PTER: variants seen among roughly 807,000 people sequenced by gnomAD.
PTER encodes N-acetyltaurine hydrolase.
Under a neutral mutation model 29.6 loss-of-function variants are expected in PTER, and 38 were observed. The ratio of observed to expected loss-of-function variants is 1.28; its 90% CI spans 0.99 to 1.68. The LOEUF (loss-of-function observed/expected upper bound fraction) is 1.68, where lower values mean the gene tolerates loss of function less well. PTER is among the 40% of genes most tolerant of loss of function. PTER has a pLI of 0.00. For synonymous variants in PTER, 172 were observed against 154.5 expected (o/e 1.11, Z -0.84); for missense variants, 482 against 427.8 (o/e 1.13, Z -1.12).
chr10:16,480,306 CAGCCTCCCGAGT>C (rs1357005744), intron 1 of PTER, among the ~76,000 whole-genome samples: 1 of 151,480 alleles, frequency 6.6e-6, no homozygotes, highest in Admixed American at 6.6e-5. Context: ...TCTCCTGCCT[CAGCCTCCCGAGT>C]AGCCTCCCGA....
At chr10:16,491,294 A>G (rs1251261011) in intron 3 of PTER, among the ~76,000 whole-genome samples, 1 of 152,218 alleles carries the variant, frequency 6.6e-6, no homozygotes, top group Non-Finnish European at 1.5e-5. Context: ...AAAGCAGTGC[A>G]TTCGGAAAAA....
chr10:16,505,401 C>T (rs536201962), intron 4 of PTER, among the ~76,000 whole-genome samples: 3 of 152,088 alleles, frequency 2.0e-5, no homozygotes, highest in Non-Finnish European at 4.4e-5. Context: ...TGCAGATGGG[C>T]AGCTGACAGG....
At chr10:16,465,411 T>C (rs1834772886) in intron 1 of PTER, among the ~76,000 whole-genome samples, 1 of 152,212 alleles carries the variant, frequency 6.6e-6, no homozygotes, top group South Asian at 2.1e-4. Context: ...TTAGCACGTT[T>C]GGAAAGCTGA....
intron 4 of PTER, 100 bp from the exon 5 acceptor site, chr10:16,510,946 T>C (rs1836785656): frequency 3.1e-6 from 3 of 975,458 alleles, no homozygotes; most frequent in South Asian, 2.9e-5. Flanking sequence ...GTCAGTATCT[T>C]TACGACAAGC....
At chr10:16,453,893 T>A (rs1399756206) in intron 1 of PTER, among the ~76,000 whole-genome samples, 1 of 152,224 alleles carries the variant, frequency 6.6e-6, no homozygotes, top group Non-Finnish European at 1.5e-5. Context: ...AACTTGTATC[T>A]GGAAGGAAGC....
chr10:16,497,454 C>T (rs1032050187), intron 3 of PTER, among the ~76,000 whole-genome samples: 13 of 152,200 alleles, frequency 8.5e-5, no homozygotes, highest in African/African-American at 3.1e-4. Context: ...TTCCTTGAGA[C>T]AGCATCTTAA....
At chr10:16,452,767 T>C (rs974361303) in intron 1 of PTER, among the ~76,000 whole-genome samples, 10 of 151,874 alleles carry the variant, frequency 6.6e-5, no homozygotes, top group Non-Finnish European at 1.2e-4. Flanking sequence ...ATTGTTATTA[T>C]TTTGAGACAG....
At chr10:16,515,306 C>A (rs985326243), downstream of PTER, among the ~76,000 whole-genome samples, 3 of 151,224 alleles carry the variant, frequency 2.0e-5, no homozygotes, top group African/African-American at 4.8e-5. Flanking sequence ...CAGGCTGCTT[C>A]AGAAGCTTAG....
chr10:16,504,907 C>G (rs1053675549), intron 3 of PTER, 113 bp from the exon 4 acceptor site: 1 of 1,222,208 alleles, frequency 8.2e-7, no homozygotes, highest in African/African-American at 1.5e-5. Flanking sequence ...GTGTCTGTTA[C>G]TCGACTTCAA....
chr10:16,446,964 T>G, intron 1 of PTER, among the ~76,000 whole-genome samples: 1 of 152,110 alleles, frequency 6.6e-6, no homozygotes. Flanking sequence ...AATTTTTGTA[T>G]TTTTAGTAGA....
intron 3 of PTER, among the ~76,000 whole-genome samples, chr10:16,494,229 A>G (rs1836009205): frequency 6.6e-6 from 1 of 152,232 alleles, no homozygotes; most frequent in Non-Finnish European, 1.5e-5. Flanking sequence ...GCATTCTAAA[A>G]TAAAGTTTTA....
At chr10:16,450,786 C>A (rs1358452700) in intron 1 of PTER, among the ~76,000 whole-genome samples, 1 of 152,178 alleles carries the variant, frequency 6.6e-6, no homozygotes, top group African/African-American at 2.4e-5. Flanking sequence ...AGCAACCAAC[C>A]AACTTTATTG....
intron 1 of PTER, among the ~76,000 whole-genome samples, chr10:16,481,765 T>C (rs758044063): frequency 1.3e-5 from 2 of 152,176 alleles, no homozygotes; most frequent in Non-Finnish European, 2.9e-5. Context: ...GTGGTAGCAT[T>C]TTATCAATTT....
At chr10:16,468,523 C>T (rs1834926690) in intron 1 of PTER, among the ~76,000 whole-genome samples, 1 of 152,100 alleles carries the variant, frequency 6.6e-6, no homozygotes, top group Admixed American at 6.5e-5. Context: ...GTGCGAGTCT[C>T]CTCAAACCCT....
At chr10:16,487,077 G>A (rs1413459746) in intron 3 of PTER, among the ~76,000 whole-genome samples, 1 of 152,198 alleles carries the variant, frequency 6.6e-6, no homozygotes, top group African/African-American at 2.4e-5. Context: ...GTTCACATTT[G>A]TGTCACTTGT....
intron 1 of PTER, among the ~76,000 whole-genome samples, chr10:16,456,427 C>T (rs1834396608): frequency 6.6e-6 from 1 of 152,204 alleles, no homozygotes; most frequent in Admixed American, 6.5e-5. Flanking sequence ...CCAGTCTCCG[C>T]AGTGTGCATC....
chr10:16,490,392 C>T (rs1377028458), intron 3 of PTER, among the ~76,000 whole-genome samples: 5 of 152,068 alleles, frequency 3.3e-5, no homozygotes. Context: ...CTACTTCATC[C>T]TCAAGGGTGT....
intron 1 of PTER, among the ~76,000 whole-genome samples, chr10:16,453,437 C>T (rs1461895920): frequency 6.6e-6 from 1 of 152,022 alleles, no homozygotes. Flanking sequence ...TATAGCCAGC[C>T]GTTTTCAGTT....
chr10:16,487,456 C>A (rs1046771367), intron 3 of PTER, among the ~76,000 whole-genome samples: 25 of 152,154 alleles, frequency 1.6e-4, no homozygotes, highest in Admixed American at 1.6e-3. Context: ...ACCACAGTTG[C>A]CATTGGATTT....
Sources: gnomAD v4.1 joint callset for allele counts (sites outside exome capture counted in the v4.1 genomes callset) on GRCh38, gnomAD v4.1.1 for gene constraint, MANE v1.5 for transcripts, NCBI Gene and HGNC (gene_info 2026-07-23, HGNC 2026-07-21) for gene names.